FCGRT: variants seen among roughly 807,000 people sequenced by gnomAD.
FCGRT encodes Fc gamma receptor and transporter, also known as IgG receptor FcRn large subunit p51.
FCGRT carries 13 observed loss-of-function variants against 35.7 expected under a neutral mutation model. The observed-to-expected ratio is 0.36, with a 90% CI of 0.24 to 0.58. FCGRT has a LOEUF of 0.58. Among genes scored for constraint, FCGRT ranks in the 20% least tolerant of loss-of-function variants. The probability of loss-of-function intolerance (pLI) is 0.77; values close to 1 mark genes in which losing one functional copy is unlikely to be tolerated. For synonymous variants in FCGRT, 233 were observed against 216.5 expected, an observed-to-expected ratio of 1.08 and a Z score of -0.67; for missense variants, 455 against 474.9, an observed-to-expected ratio of 0.96 and a Z score of 0.39.
chr19:49,512,685 C>G lies in FCGRT; in HGVS notation c.-80C>G. The G allele has an allele frequency of 6.4e-6, 1 of 155,186 alleles. No homozygotes were observed. Among genetic ancestry groups the G allele is most frequent in the South Asian group, 1.7e-4 (1 of 5,864 alleles). 9.6% of individuals were successfully genotyped at this position (155,186 alleles called of 1,614,324 possible). ...CAGGATGTGAGAGAGGAACTGGGGT[C>G]TCCAGTCACGGGAGCCAGGAGCCGG... is the stretch of plus-strand genomic sequence containing the variant. On this transcript the variant is annotated 5_prime_UTR_variant, in exon 1 of 7. Coordinates refer to ENST00000221466, the MANE Select transcript of FCGRT (RefSeq NM_001136019.3).
At position 49,526,370 on chromosome 19, in the gene FCGRT, A is replaced by T. The variant is rs1047793039; in HGVS notation, c.*251A>T. The stretch of plus-strand genomic sequence containing the variant: ...TCATCATTTTTCAGGCAGGGGAGGT[A>T]AGGGAATAAGTCGGGGGACTGAATG... On this transcript the variant is annotated 3_prime_UTR_variant, in exon 7 of 7. Coordinates refer to ENST00000221466, the MANE Select transcript of FCGRT (RefSeq NM_001136019.3). The T allele has an allele frequency of 1.9e-6, 1 of 515,106 alleles. No individual in the cohort carries two copies. Among genetic ancestry groups the T allele is most frequent in the East Asian group, 3.6e-5 (1 of 28,044 alleles). 31.9% of individuals were successfully genotyped at this position (515,106 alleles called of 1,614,324 possible). A position where few individuals can be genotyped will look rare whatever the true frequency, so the allele number is the denominator to read the frequency against.
Position 49,524,636 on chromosome 19 carries a change from C to T in FCGRT, c.731C>T (p.Thr244Ile), listed in dbSNP as rs781510967. Residue 244 changes from threonine to isoleucine, a missense_variant, in exon 5 of 7, where the codon ACC becomes ATC. Thr to Ile is a moderately conservative substitution (Grantham distance 89, BLOSUM62 -1). This residue lies in a region of FCGRT where 312 missense variants were observed against 296.1 expected (regional missense o/e 1.05). Coordinates refer to ENST00000221466, the MANE Select transcript of FCGRT (RefSeq NM_001136019.3). ...CTGCGGAATGGGCTGGCCGCTGGCA[C>T]CGGCCAGGGTGACTTCGGCCCCAAC... ...RFLRNGLAAG[T>I]GQGDFGPNSD... 1.9e-6 allele frequency: 3 copies of T among 1,609,060 alleles called. No homozygotes were observed. Among genetic ancestry groups the T allele is most frequent in the South Asian group, 2.2e-5 (2 of 91,090 alleles).
intron 5 of FCGRT, 108 bp from the exon 6 acceptor site, chr19:49,525,347 TGG>T: frequency 1.2e-6 from 1 of 836,414 alleles, no homozygotes; most frequent in Non-Finnish European, 2.1e-6. Flanking sequence ...ATCAGACACT[TGG>T]TGCTGGAATC....
intron 5 of FCGRT, chr19:49,525,169 C>T (rs1367143076): frequency 7.8e-6 from 4 of 512,112 alleles, no homozygotes; most frequent in Non-Finnish European, 1.5e-5. Flanking sequence ...GCCCATGAGA[C>T]TGACTTCCCA....
intron 2 of FCGRT, 62 bp downstream of exon 2, chr19:49,513,535 G>A (rs1727969254): frequency 5.8e-6 from 6 of 1,027,366 alleles, no homozygotes; most frequent in Middle Eastern, 3.5e-4. Flanking sequence ...GCCCCAGGCA[G>A]GCAGGGGCGA....
rs540123114 is a variant in FCGRT at position 49,513,744 on chromosome 19, C to G, written c.74-138C>G. 33 of 243,714 alleles carry G rather than the reference C, an allele frequency of 1.4e-4. 2 individuals carry two copies. Among genetic ancestry groups the G allele is most frequent in the Non-Finnish European group, 1.6e-4 (23 of 141,290 alleles). The allele number at this position is 243,714 out of a possible 1,614,324, so 15.1% of individuals were successfully genotyped here. On this transcript the variant is annotated intron_variant, in intron 2 of 6. Coordinates refer to ENST00000221466, the MANE Select transcript of FCGRT (RefSeq NM_001136019.3). Reference sequence around the variant, plus strand: ...TCTCTCTCTGGGTCTCTGTCCCCCCCCCCCCGGGTTTCTGTCCCCTCTCTC... The same window carrying G: ...TCTCTCTCTGGGTCTCTGTCCCCCCGCCCCCGGGTTTCTGTCCCCTCTCTC...
chr19:49,524,765 G>C lies in FCGRT; in HGVS notation c.860G>C (p.Arg287Thr). 6.3e-7 allele frequency: 1 copy of C among 1,599,890 alleles called. No individual in the cohort carries two copies. Among genetic ancestry groups the C allele is most frequent in the Non-Finnish European group, 8.5e-7 (1 of 1,179,594 alleles). ...VQHAGLAQPL[R>T]VELESPAKSS... is the part of the protein sequence containing the mutation. ...CACGCGGGGCTGGCGCAGCCCCTCA[G>C]GGTGGAGCTGGGTGAGGTCCCGCCA... Residue 287 changes from arginine (R) to threonine (T), a missense_variant, in exon 5 of 7, where the codon AGG becomes ACG. This residue lies in a region of FCGRT where 312 missense variants were observed against 296.1 expected (regional missense o/e 1.05). Coordinates refer to ENST00000221466, the MANE Select transcript of FCGRT (RefSeq NM_001136019.3).
chr19:49,513,440 C>T lies in FCGRT; in HGVS notation c.40C>T (p.Leu14=). 8.0e-7 allele frequency: 1 copy of T among 1,245,638 alleles called. No homozygotes were observed. Among genetic ancestry groups the T allele is most frequent in the Non-Finnish European group, 1.0e-6 (1 of 988,246 alleles). The allele number at this position is 1,245,638 out of a possible 1,614,324, so 77.2% of individuals were successfully genotyped here. The change falls in exon 2 of 7, where the codon CTG becomes TTG. Residue 14 remains leucine, a synonymous_variant. Transcript: ENST00000221466. ...GCCTCAGCCCTGGGCGCTGGGGCTC[C>T]TGCTCTTTCTCCTTCCTGGGAGCCT... ...PRPQPWALGL[L]LFLLPGSLGA... is the part of the protein sequence containing the mutation.
At chr19:49,513,543 C>T in intron 2 of FCGRT, 70 bp downstream of exon 2, 1 of 932,310 alleles carries the variant, frequency 1.1e-6, no homozygotes, top group Non-Finnish European at 1.4e-6. Flanking sequence ...CAGGCAGGGG[C>T]GAAGCCAGCG....
intron 4 of FCGRT, among the ~76,000 whole-genome samples, chr19:49,523,793 G>GAGCTTGCAGTGAGCCGA (rs2080056265): frequency 6.7e-6 from 1 of 149,958 alleles, no homozygotes; most frequent in East Asian, 2.0e-4. Context: ...CCAGGAGGCG[G>GAGCTTGCAGTGAGCCGA]AGCTTGCAGT....
intron 5 of FCGRT, 138 bp downstream of exon 5, chr19:49,524,914 C>A: frequency 1.2e-6 from 1 of 869,422 alleles, no homozygotes; most frequent in Non-Finnish European, 1.9e-6. Flanking sequence ...TCACGCCTGT[C>A]AGTGCCCCCA....
chr19:49,519,176 A>G (rs907659175), intron 4 of FCGRT, among the ~76,000 whole-genome samples: 8 of 152,106 alleles, frequency 5.3e-5, no homozygotes, highest in African/African-American at 1.9e-4. Context: ...GTGTTTTGCA[A>G]ATATTTCTTC....
intron 4 of FCGRT, among the ~76,000 whole-genome samples, chr19:49,523,300 G>T (rs1376310008): frequency 6.6e-6 from 1 of 151,964 alleles, no homozygotes; most frequent in African/African-American, 2.4e-5. Context: ...CGGGTGTGGT[G>T]CATCATGCCT....
chr19:49,522,691 C>G (rs561483607), intron 4 of FCGRT, among the ~76,000 whole-genome samples: 563 of 151,458 alleles, frequency 3.7e-3, no homozygotes, highest in Non-Finnish European at 5.8e-3. Context: ...CTCCACCCCC[C>G]AAAGCGCCAG....
chr19:49,519,448 T>C (rs939961818), intron 4 of FCGRT, among the ~76,000 whole-genome samples: 1 of 152,182 alleles, frequency 6.6e-6, no homozygotes, highest in Non-Finnish European at 1.5e-5. Context: ...CTTGAGTGTC[T>C]TTTGATTTAC....
At position 49,526,419 on chromosome 19, in the gene FCGRT, T is replaced by C; in HGVS notation, c.*300T>C. On this transcript the variant is annotated 3_prime_UTR_variant, in exon 7 of 7. Coordinates refer to ENST00000221466, the MANE Select transcript of FCGRT (RefSeq NM_001136019.3). ...TGGCGGCTGGGCCTCGGATCTCTCC[T>C]ACAGGTAACATGCTGCCACAGGGGA... The C allele has an allele frequency of 2.4e-6, 1 of 409,974 alleles. No individual in the cohort carries two copies. The highest frequency in any genetic ancestry group is 4.4e-6 in the Non-Finnish European group (1 of 226,832). 25.4% of individuals were successfully genotyped at this position (409,974 alleles called of 1,614,324 possible).
At chr19:49,519,369 A>G (rs1436948484) in intron 4 of FCGRT, among the ~76,000 whole-genome samples, 5 of 151,542 alleles carry the variant, frequency 3.3e-5, no homozygotes, top group Non-Finnish European at 7.4e-5. Flanking sequence ...GTATTTTAAG[A>G]GTTTTAAAGT....
intron 4 of FCGRT, among the ~76,000 whole-genome samples, chr19:49,517,848 T>A (rs995889368): frequency 6.6e-6 from 1 of 151,936 alleles, no homozygotes; most frequent in Non-Finnish European, 1.5e-5. Flanking sequence ...GCCCGCCACC[T>A]CGCCCAGCCA....
chr19:49,514,485 G>A lies in FCGRT; in HGVS notation c.600G>A (p.Lys200=), dbSNP rs1392096255. 5.2e-6 allele frequency: 8 copies of A among 1,540,298 alleles called. No individual in the cohort carries two copies. Among genetic ancestry groups the A allele is most frequent in the Non-Finnish European group, 7.0e-6 (8 of 1,140,980 alleles). Reference sequence around the variant, plus strand: ...GGGGCCGCGGAAACCTGGAGTGGAAGGGTGAGCCGGATCTGCAGCCGCAGG... The same window carrying A: ...GGGGCCGCGGAAACCTGGAGTGGAAAGGTGAGCCGGATCTGCAGCCGCAGG... The part of the protein sequence containing the change: ...LERGRGNLEW[K]EPPSMRLKAR... Residue 200 remains lysine, a splice_region_variant and synonymous_variant, in exon 4 of 7, where the codon AAG becomes AAA. Transcript: ENST00000221466.
Sources: gnomAD v4.1 joint callset for allele counts (sites outside exome capture counted in the v4.1 genomes callset) on GRCh38, gnomAD v4.1.1 for gene constraint, gnomAD v4.1.1 regional missense constraint, MANE v1.5 for transcripts, NCBI Gene and HGNC (gene_info 2026-07-23, HGNC 2026-07-21) for gene names.